PTPRU: variants seen among roughly 807,000 people sequenced by gnomAD.
PTPRU encodes the protein protein tyrosine phosphatase receptor type U, also known as receptor-type tyrosine-protein phosphatase U.
A neutral mutation model predicts 166.3 loss-of-function variants in PTPRU; 69 were observed. The observed-to-expected ratio is 0.41, with a 90% CI of 0.34 to 0.51. The LOEUF is 0.51. PTPRU is among the 20% of genes least tolerant of loss of function. PTPRU has a pLI of 0.09. For missense variants in PTPRU, 1,657 were observed against 2,013.7 expected, an observed-to-expected ratio of 0.82 and a Z score of 3.39; for synonymous variants, 793 against 814.0, an observed-to-expected ratio of 0.97 and a Z score of 0.44.
Position 29,315,278 on chromosome 1 carries a change from T to C in PTPRU, c.3228-94T>C. On this transcript the variant is annotated intron_variant, in intron 22 of 29. Coordinates refer to ENST00000373779, the MANE Select transcript of PTPRU (RefSeq NM_133178.4). This position sits in a 1 kb window ranked among gnomAD's most constrained non-coding sequence, Gnocchi z 4.5. ...CTCTGTGTCCGTGTCCCCTGTATGG[T>C]GTAGACATGGCCAGTGCCCTCCTCT... 4.7e-6 allele frequency: 7 copies of C among 1,499,124 alleles called. No homozygotes were observed. Among genetic ancestry groups the C allele is most frequent in the East Asian group, 2.3e-5 (1 of 43,984 alleles). 92.9% of individuals were successfully genotyped at this position (1,499,124 alleles called of 1,614,324 possible).
Position 29,315,310 on chromosome 1 carries a change from C to G in PTPRU, c.3228-62C>G. ...ATGGCCAGTGCCCTCCTCTCTTCTT[C>G]TCCTTAGTCCCGGGCTTCCTCCCCA... is the stretch of plus-strand genomic sequence containing the variant. On this transcript the variant is annotated intron_variant, in intron 22 of 29. Transcript: ENST00000373779. The surrounding 1 kb of genome is among the most constrained non-coding windows in gnomAD (Gnocchi z 4.5). 6.2e-7 allele frequency: 1 copy of G among 1,602,134 alleles called. No individual in the cohort carries two copies. The highest frequency in any genetic ancestry group is 8.5e-7 in the Non-Finnish European group (1 of 1,172,122).
intron 7 of PTPRU, among the ~76,000 whole-genome samples, chr1:29,273,113 G>A (rs1685642943): frequency 6.6e-6 from 1 of 152,052 alleles, no homozygotes; most frequent in Non-Finnish European, 1.5e-5. Flanking sequence ...AAAAGGATCA[G>A]TTGATGCAGT....
intron 18 of PTPRU, 188 bp downstream of exon 18, chr1:29,305,616 C>G (rs1028598332): frequency 6.5e-6 from 5 of 770,112 alleles, no homozygotes; most frequent in Non-Finnish European, 1.2e-5. Context: ...TTCTGGAAGG[C>G]TTTCTGTAGG....
At chr1:29,289,855 T>A in intron 14 of PTPRU, 1 of 925,190 alleles carries the variant, frequency 1.1e-6, no homozygotes, top group Non-Finnish European at 1.7e-6. Flanking sequence ...CCTCGGCCTC[T>A]GACTTTCTTT....
chr1:29,294,817 C>T (rs1686806865), intron 15 of PTPRU, among the ~76,000 whole-genome samples: 2 of 152,168 alleles, frequency 1.3e-5, no homozygotes, highest in Admixed American at 6.5e-5. Context: ...TTATAGTTCA[C>T]GCTTTCCCTG....
rs1294698431 is a variant in PTPRU, at chr1:29,260,003, G to C, written c.809G>C (p.Arg270Pro). 1.3e-6 allele frequency: 2 copies of C among 1,487,998 alleles called. No homozygotes were observed. The highest frequency in any genetic ancestry group is 8.9e-7 in the Non-Finnish European group (1 of 1,127,218). 92.2% of individuals were successfully genotyped at this position (1,487,998 alleles called of 1,614,324 possible). The change falls in exon 6 of 30, where the codon CGC becomes CCC. Residue 270 changes from arginine (R) to proline (P), a missense_variant. Physicochemically the swap from Arg to Pro is moderately radical, Grantham distance 103 (BLOSUM62 -2). Around this residue, in one of 3 missense-constraint regions of PTPRU, gnomAD observed 453 missense variants for 496.9 expected, o/e 0.91. Coordinates refer to ENST00000373779, the MANE Select transcript of PTPRU (RefSeq NM_133178.4). The surrounding 1 kb of genome is among the most constrained non-coding windows in gnomAD (Gnocchi z 8.3). ...TACCGCTGTGTGTCCCAGGCCCCGC[G>C]CGGCGCGGGCGTCTCTAACTTCGCG... ...DLYRCVSQAP[R>P]GAGVSNFAEL...
In PTPRU at chr1:29,311,430, C is replaced by G. The variant is rs988708981; in HGVS notation, c.2858-26C>G. 1 of 1,611,122 alleles carries G rather than the reference C, an allele frequency of 6.2e-7. No homozygotes were observed. Among genetic ancestry groups the G allele is most frequent in the African/African-American group, 1.3e-5 (1 of 74,884 alleles). On this transcript the variant is annotated intron_variant, in intron 19 of 29. Transcript: ENST00000373779. The surrounding 1 kb of genome is among the most constrained non-coding windows in gnomAD (Gnocchi z 4.1). ...TGGGGTGGAGACCTTGTCTCAGGGA[C>G]AGGCACCCTCTGCCTGCATCCCCAG...
chr1:29,260,056 G>T lies in PTPRU; in HGVS notation c.850+12G>T, dbSNP rs769081134. 2 of 1,402,828 alleles carry T rather than the reference G, an allele frequency of 1.4e-6. No homozygotes were observed. The highest frequency in any genetic ancestry group is 9.2e-7 in the Non-Finnish European group (1 of 1,083,312). 86.9% of individuals were successfully genotyped at this position (1,402,828 alleles called of 1,614,324 possible). On this transcript the variant is annotated intron_variant, in intron 6 of 29. Coordinates refer to ENST00000373779, the MANE Select transcript of PTPRU (RefSeq NM_133178.4). The surrounding 1 kb of genome is among the most constrained non-coding windows in gnomAD (Gnocchi z 8.3). ...GCTCATCGTCAAGGGTCAGCTGGTGGACGCCGGGGAGCGCCGGGACCTCAC... is the reference window on the plus strand; with the variant it reads ...GCTCATCGTCAAGGGTCAGCTGGTGTACGCCGGGGAGCGCCGGGACCTCAC...
chr1:29,294,030 T>C (rs1686773381), intron 15 of PTPRU, among the ~76,000 whole-genome samples: 1 of 152,248 alleles, frequency 6.6e-6, no homozygotes, highest in African/African-American at 2.4e-5. Flanking sequence ...TTTCTTGTTA[T>C]CACAAATGAG....
intron 3 of PTPRU, 111 bp from the exon 4 acceptor site, chr1:29,259,150 T>A: frequency 2.5e-6 from 3 of 1,198,798 alleles, no homozygotes; most frequent in South Asian, 2.9e-5. Flanking sequence ...TGAGCTGGGC[T>A]GACCTCTGCT....
chr1:29,251,190 T>G (rs1446064017), intron 1 of PTPRU, among the ~76,000 whole-genome samples: 4 of 151,970 alleles, frequency 2.6e-5, no homozygotes, highest in Non-Finnish European at 5.9e-5. Context: ...GAGCTGGAGG[T>G]TGCAGTGAGC....
At position 29,320,947 on chromosome 1, in the gene PTPRU, A is replaced by C; in HGVS notation, c.3828+122A>C. On this transcript the variant is annotated intron_variant, in intron 26 of 29. Coordinates refer to ENST00000373779, the MANE Select transcript of PTPRU (RefSeq NM_133178.4). This position sits in a 1 kb window ranked among gnomAD's most constrained non-coding sequence, Gnocchi z 5.2. ...TCTGCCATCTATTTATTGTGTGATGAATCATACACCTTCCCAGAGCCTCAG... is the reference window on the plus strand; with the variant it reads ...TCTGCCATCTATTTATTGTGTGATGCATCATACACCTTCCCAGAGCCTCAG... The C allele has an allele frequency of 2.7e-6, 3 of 1,110,782 alleles. No homozygotes were observed. Among genetic ancestry groups the C allele is most frequent in the South Asian group, 2.5e-5 (1 of 39,548 alleles). 68.8% of individuals were successfully genotyped at this position (1,110,782 alleles called of 1,614,324 possible).
chr1:29,239,290 T>C (rs1683930810), intron 1 of PTPRU, among the ~76,000 whole-genome samples: 1 of 152,216 alleles, frequency 6.6e-6, no homozygotes, highest in Non-Finnish European at 1.5e-5. Context: ...GTGTGATGCC[T>C]TCTCAGCCTT....
intron 14 of PTPRU, 89 bp downstream of exon 14, chr1:29,284,958 G>A (rs1175772043): frequency 1.3e-6 from 2 of 1,482,612 alleles, no homozygotes; most frequent in African/African-American, 1.4e-5. Flanking sequence ...GAGCTGGTAG[G>A]GCAGCTGTCC....
At chr1:29,241,394 A>G (rs923712737) in intron 1 of PTPRU, among the ~76,000 whole-genome samples, 5 of 151,172 alleles carry the variant, frequency 3.3e-5, no homozygotes, top group African/African-American at 1.2e-4. Flanking sequence ...ATAAGTGGGG[A>G]GTGTCTCTGT....
At position 29,257,468 on chromosome 1, in the gene PTPRU, C is replaced by T. The variant is rs1684823142; in HGVS notation, c.206-1037C>T. On this transcript the variant is annotated intron_variant, in intron 2 of 29. Coordinates refer to ENST00000373779, the MANE Select transcript of PTPRU (RefSeq NM_133178.4). The surrounding 1 kb of genome is among the most constrained non-coding windows in gnomAD (Gnocchi z 4.6). ...GGCAGCCAAGCCCGGGAGGAGGCAG[C>T]GCTGGGTGGTTTCGGGTGCCCTTTG... Among the ~76,000 whole-genome samples, 2 of 152,144 alleles carry T rather than the reference C, an allele frequency of 1.3e-5. No homozygotes were observed. The highest frequency in any genetic ancestry group is 2.1e-4 in the South Asian group (1 of 4,828).
rs1437738933 is a variant in PTPRU, at chr1:29,311,396, G to A, written c.2858-60G>A. ...GGTGTGGTGCTGGATGGTGCTGGAT[G>A]TGCTGACCTGGGGTGGAGACCTTGT... On this transcript the variant is annotated intron_variant, in intron 19 of 29. Transcript: ENST00000373779. This position sits in a 1 kb window ranked among gnomAD's most constrained non-coding sequence, Gnocchi z 4.1. 9 of 1,541,294 alleles carry A rather than the reference G, an allele frequency of 5.8e-6. No individual in the cohort carries two copies. The highest frequency in any genetic ancestry group is 2.3e-5 in the East Asian group (1 of 44,438).
chr1:29,251,141 T>C (rs1684526179), intron 1 of PTPRU, among the ~76,000 whole-genome samples: 1 of 152,084 alleles, frequency 6.6e-6, no homozygotes, highest in Non-Finnish European at 1.5e-5. Context: ...TAATTCCAGC[T>C]ACTTTGCAGG....
chr1:29,323,656 G>T lies in PTPRU; in HGVS notation c.3980G>T (p.Arg1327Leu). The T allele has an allele frequency of 6.2e-7, 1 of 1,614,054 alleles. No homozygotes were observed. The highest frequency in any genetic ancestry group is 8.5e-7 in the Non-Finnish European group (1 of 1,179,970). ...TTGCAGGAGGGGCACCTGCTGGTGC[G>T]GCACTTCCAGTTCCTGCGCTGGTCT... ...SRLQEGHLLV[R>L]HFQFLRWSAY... Residue 1327 changes from arginine to leucine, a missense_variant, in exon 28 of 30, where the codon CGG becomes CTG. By Grantham distance (102) the Arg-to-Leu change is moderately radical. This residue lies in a region of PTPRU where 1,190 missense variants were observed against 1,477.4 expected (regional missense o/e 0.81). Transcript: ENST00000373779.
Sources: gnomAD v4.1 joint callset for allele counts (sites outside exome capture counted in the v4.1 genomes callset) on GRCh38, gnomAD v4.1.1 for gene constraint, gnomAD v4.1.1 regional missense constraint, Gnocchi (gnomAD v3.1) non-coding constraint, MANE v1.5 for transcripts, NCBI Gene and HGNC (gene_info 2026-07-23, HGNC 2026-07-21) for gene names.